Variants in CPE observed in about 807,000 individuals in gnomAD.
CPE encodes carboxypeptidase E, also known as carbocypeptidase E.
Under a neutral mutation model 53.5 loss-of-function variants are expected in CPE, and 17 were observed. That is an observed-to-expected ratio of 0.32 (90% confidence interval 0.22 to 0.48). The LOEUF (loss-of-function observed/expected upper bound fraction) is 0.48, where lower values mean the gene tolerates loss of function less well. Among genes scored for constraint, CPE ranks in the 20% least tolerant of loss-of-function variants. CPE has a pLI of 0.99. For synonymous variants in CPE, 226 were observed against 228.8 expected (o/e 0.99, Z 0.11); for missense variants, 524 against 614.7 (o/e 0.85, Z 1.56).
At chr4:165,492,379 A>G (rs576977639) in intron 6 of CPE, among the ~76,000 whole-genome samples, 2 of 152,214 alleles carry the variant, frequency 1.3e-5, no homozygotes, top group Admixed American at 1.3e-4. Context: ...ATGAATACAC[A>G]GGTGACCAAA....
chr4:165,429,640 T>C (rs948731645), intron 1 of CPE, among the ~76,000 whole-genome samples: 1 of 151,428 alleles, frequency 6.6e-6, no homozygotes, highest in Non-Finnish European at 1.5e-5. Context: ...AAGTGGAGGA[T>C]GCAATGAATC....
At chr4:165,452,146 G>A (rs1483155915) in intron 1 of CPE, among the ~76,000 whole-genome samples, 1 of 152,112 alleles carries the variant, frequency 6.6e-6, no homozygotes, top group Admixed American at 6.6e-5. Context: ...GATACTAGAG[G>A]TTGGGAAGGG....
At chr4:165,416,550 T>C (rs1298533880) in intron 1 of CPE, among the ~76,000 whole-genome samples, 1 of 151,912 alleles carries the variant, frequency 6.6e-6, no homozygotes, top group African/African-American at 2.4e-5. Flanking sequence ...TCAACATAAC[T>C]TGCTTGATCT....
intron 1 of CPE, among the ~76,000 whole-genome samples, chr4:165,422,177 G>C (rs1422570583): frequency 6.6e-6 from 1 of 151,896 alleles, no homozygotes; most frequent in African/African-American, 2.4e-5. Flanking sequence ...AAAATTCTCT[G>C]GAATAGATTT....
At chr4:165,417,663 G>A (rs1731147561) in intron 1 of CPE, among the ~76,000 whole-genome samples, 1 of 150,984 alleles carries the variant, frequency 6.6e-6, no homozygotes, top group Non-Finnish European at 1.5e-5. Context: ...AAAGCACTAA[G>A]TTAACTAGAT....
intron 1 of CPE, among the ~76,000 whole-genome samples, chr4:165,402,386 C>A (rs568406768): frequency 6.6e-6 from 1 of 152,088 alleles, no homozygotes; most frequent in African/African-American, 2.4e-5. Flanking sequence ...TGATTCTGGC[C>A]GGTTACATGA....
At chr4:165,445,378 A>C (rs7663386) in intron 1 of CPE, among the ~76,000 whole-genome samples, 43,718 of 150,964 alleles carry the variant, frequency 0.29, 7,570 homozygotes, top group African/African-American at 0.49. Context: ...CATACCGCAT[A>C]TTTAATTGTT....
At chr4:165,475,977 C>T (rs1479150157) in intron 3 of CPE, among the ~76,000 whole-genome samples, 2 of 152,166 alleles carry the variant, frequency 1.3e-5, no homozygotes, top group Non-Finnish European at 2.9e-5. Context: ...GAAGGTGAGG[C>T]ATAGAGGTCC....
intron 1 of CPE, among the ~76,000 whole-genome samples, chr4:165,437,228 A>G (rs533589821): frequency 7.6e-4 from 116 of 152,332 alleles, no homozygotes; most frequent in Non-Finnish European, 1.3e-3. Context: ...TAGTGATTCT[A>G]AGCCCTGGGT....
At chr4:165,489,387 G>A (rs1188345788) in intron 6 of CPE, among the ~76,000 whole-genome samples, 1 of 152,088 alleles carries the variant, frequency 6.6e-6, no homozygotes, top group Non-Finnish European at 1.5e-5. Context: ...TCACATCCCA[G>A]GCATTCTGTG....
rs575609600 is a variant in CPE at position 165,405,071 on chromosome 4, C to T, written c.307+25543C>T. The T allele has an allele frequency of 2.3e-4, 167 of 722,598 alleles. 2 individuals carry two copies. The South Asian group carries it at 2.5e-3, about 11-fold the overall frequency. The allele number at this position is 722,598 out of a possible 1,614,324, so 44.8% of individuals were successfully genotyped here. ...TTCAAAACCTTGGTAATCAAGCTTC[C>T]CAGTCAAGTTGCTGAAGATGGAATC... On this transcript the variant is annotated intron_variant, in intron 1 of 8. Coordinates refer to ENST00000402744, the MANE Select transcript of CPE (RefSeq NM_001873.4).
At chr4:165,486,148 T>C (rs747756048) in intron 5 of CPE, among the ~76,000 whole-genome samples, 11 of 152,034 alleles carry the variant, frequency 7.2e-5, no homozygotes, top group South Asian at 4.2e-4. Context: ...GATAGCATGA[T>C]GTAACTCCCA....
chr4:165,381,949 G>T (rs1730510425), intron 1 of CPE, among the ~76,000 whole-genome samples: 1 of 152,242 alleles, frequency 6.6e-6, no homozygotes, highest in Non-Finnish European at 1.5e-5. Flanking sequence ...GGTGGACCAG[G>T]CGTCTGTGAG....
chr4:165,381,433 A>T, intron 1 of CPE: 1 of 404,370 alleles, frequency 2.5e-6, no homozygotes, highest in Non-Finnish European at 4.9e-6. Context: ...TAGCTGCATA[A>T]CACAGTGTAT....
chr4:165,483,255 T>C (rs1380898224), intron 4 of CPE, among the ~76,000 whole-genome samples: 1 of 152,218 alleles, frequency 6.6e-6, no homozygotes, highest in East Asian at 1.9e-4. Context: ...GTATTTGATT[T>C]CTGAATTATT....
chr4:165,385,835 T>A (rs1730582978), intron 1 of CPE, among the ~76,000 whole-genome samples: 1 of 152,184 alleles, frequency 6.6e-6, no homozygotes, highest in South Asian at 2.1e-4. Context: ...CAATCTGACT[T>A]ATTTTCCTAA....
At chr4:165,416,930 T>C (rs1731135334) in intron 1 of CPE, among the ~76,000 whole-genome samples, 2 of 151,982 alleles carry the variant, frequency 1.3e-5, no homozygotes, top group African/African-American at 2.4e-5. Context: ...ATGAATGGAA[T>C]TTGGTAAAAA....
intron 1 of CPE, among the ~76,000 whole-genome samples, chr4:165,450,472 G>A (rs546683121): frequency 1.6e-4 from 25 of 152,256 alleles, no homozygotes; most frequent in African/African-American, 5.5e-4. Flanking sequence ...TAAAAATCTT[G>A]AAAGTACTTT....
chr4:165,495,487 T>C (rs988247403), intron 7 of CPE, 72 bp from the exon 8 acceptor site: 1 of 979,180 alleles, frequency 1.0e-6, no homozygotes, highest in African/African-American at 1.6e-5. Flanking sequence ...ATTCCTTAGA[T>C]GGCATAATTA....
Sources: allele counts gnomAD v4.1 joint callset (sites outside exome capture counted in the v4.1 genomes callset), GRCh38; gene constraint gnomAD v4.1.1; transcripts MANE v1.5; gene names NCBI Gene and HGNC (gene_info 2026-07-23, HGNC 2026-07-21).